The following DEK variants were observed in gnomAD, a reference collection of about 807,000 sequenced individuals.
The protein encoded by DEK is DEK proto-oncogene.
Under a neutral mutation model 46.8 loss-of-function variants are expected in DEK, and 28 were observed. The ratio of observed to expected loss-of-function variants is 0.60; its 90% CI spans 0.44 to 0.82. DEK has a LOEUF of 0.82. Ranked by LOEUF, DEK falls within the 40% of genes least tolerant of loss-of-function variation. The probability of loss-of-function intolerance (pLI) is 0.00; values close to 1 mark genes in which losing one functional copy is unlikely to be tolerated. For missense variants in DEK, 416 were observed against 430.6 expected (o/e 0.97, Z 0.30); for synonymous variants, 160 against 144.5 (o/e 1.11, Z -0.77).
intron 8 of DEK, chr6:18,237,057 A>G: frequency 4.6e-6 from 1 of 217,284 alleles, no homozygotes; most frequent in Non-Finnish European, 8.9e-6. Context: ...GCACCACTGC[A>G]ATAAATAATT....
intron 2 of DEK, among the ~76,000 whole-genome samples, chr6:18,263,239 C>T (rs1791954466): frequency 6.6e-6 from 1 of 152,158 alleles, no homozygotes; most frequent in Non-Finnish European, 1.5e-5. Flanking sequence ...CGAGACAGTG[C>T]TGGGCTCACA....
In DEK at chr6:18,238,773, T is replaced by C. The variant is rs185634023; in HGVS notation, c.763-1257A>G. ...AGAAAGCATTAATTCTTAGTTTAATTAATGTTCCCAAAGGAAAAGCTTCCT... is the reference window on the plus strand; with the variant it reads ...AGAAAGCATTAATTCTTAGTTTAATCAATGTTCCCAAAGGAAAAGCTTCCT... On this transcript the variant is annotated intron_variant, in intron 7 of 10. Coordinates refer to ENST00000652689, the MANE Select transcript of DEK (RefSeq NM_003472.4). Among the ~76,000 whole-genome samples the C allele has an allele frequency of 4.7e-4, 71 of 152,310 alleles. 1 individual carries two copies. The East Asian group carries it at 0.012, about 26-fold the overall frequency.
At chr6:18,246,722 G>A (rs1302236312) in intron 7 of DEK, among the ~76,000 whole-genome samples, 1 of 151,944 alleles carries the variant, frequency 6.6e-6, no homozygotes, top group African/African-American at 2.4e-5. Context: ...AAACTTACTC[G>A]GCTTGCATAA....
At chr6:18,250,493 A>C (rs1444957876) in intron 6 of DEK, among the ~76,000 whole-genome samples, 1 of 151,624 alleles carries the variant, frequency 6.6e-6, no homozygotes, top group East Asian at 1.9e-4. Context: ...AGCAAAAAAC[A>C]AAAAACTGTC....
intron 7 of DEK, among the ~76,000 whole-genome samples, chr6:18,240,386 T>C (rs1221748409): frequency 1.3e-5 from 2 of 152,176 alleles, no homozygotes; most frequent in African/African-American, 4.8e-5. Context: ...GACATAATAG[T>C]TCAAAGAGTA....
intron 7 of DEK, among the ~76,000 whole-genome samples, chr6:18,249,418 C>T (rs1283856833): frequency 6.6e-6 from 1 of 152,178 alleles, no homozygotes; most frequent in East Asian, 1.9e-4. Context: ...CAGCTCAAGG[C>T]CCACTTCAAA....
In DEK at chr6:18,263,856, C is replaced by T. The variant is rs377010557; in HGVS notation, c.132G>A (p.Glu44=). 8.7e-6 allele frequency: 14 copies of T among 1,612,578 alleles called. No homozygotes were observed. The highest frequency in any genetic ancestry group is 1.1e-5 in the South Asian group (1 of 90,866). The change falls in exon 2 of 11, where the codon GAG becomes GAA. Residue 44 remains glutamate (E), a synonymous_variant. Transcript: ENST00000652689. ...GACTCCCCCCACCTTTTTCCTCCTCCTCCTCCTCCTCGTCGTCCTCGTCCT... is the reference window on the plus strand; with the variant it reads ...GACTCCCCCCACCTTTTTCCTCCTCTTCCTCCTCCTCGTCGTCCTCGTCCT... ...EEEDEDDEEE[E]EEEKEKSLIV... is the part of the protein sequence containing the mutation.
intron 7 of DEK, among the ~76,000 whole-genome samples, chr6:18,248,196 A>G (rs901814974): frequency 6.6e-6 from 1 of 152,212 alleles, no homozygotes; most frequent in African/African-American, 2.4e-5. Context: ...ACTGAGGTAT[A>G]GTTTAAATAA....
intron 1 of DEK, 154 bp from the exon 2 acceptor site, chr6:18,264,150 G>A (rs1379473827): frequency 5.0e-6 from 3 of 594,390 alleles, no homozygotes; most frequent in Non-Finnish European, 7.8e-6. Context: ...GTCCCCAGGG[G>A]CGGCTTCCCT....
rs1790936103 is a variant in DEK, at chr6:18,242,564, G to C, written c.763-5048C>G. On this transcript the variant is annotated intron_variant, in intron 7 of 10. Coordinates refer to ENST00000652689, the MANE Select transcript of DEK (RefSeq NM_003472.4). ...TGTCATCCTGCTCACTCCTGCCCGG[G>C]ATGTGAATCATCCCTTTGTCCAGCA... Among the ~76,000 whole-genome samples, 8 of 152,176 alleles carry C rather than the reference G, an allele frequency of 5.3e-5. No individual in the cohort carries two copies. The South Asian group carries it at 1.7e-3, about 32-fold the overall frequency.
At chr6:18,232,245 C>A (rs1309112335) in intron 9 of DEK, among the ~76,000 whole-genome samples, 3 of 152,100 alleles carry the variant, frequency 2.0e-5, no homozygotes, top group Non-Finnish European at 4.4e-5. Flanking sequence ...TATGACAAAC[C>A]CACAGTCATC....
chr6:18,230,954 C>T (rs191315335), intron 9 of DEK, among the ~76,000 whole-genome samples: 463 of 152,268 alleles, frequency 3.0e-3, no homozygotes, highest in Non-Finnish European at 5.4e-3. Context: ...GCACTTATTC[C>T]AAAATTGACC....
chr6:18,255,748 G>A lies in DEK; in HGVS notation c.556C>T (p.Pro186Ser). 1 of 1,606,634 alleles carries A rather than the reference G, an allele frequency of 6.2e-7. No homozygotes were observed. The highest frequency in any genetic ancestry group is 8.5e-7 in the Non-Finnish European group (1 of 1,178,106). The change falls in exon 6 of 11, where the codon CCA becomes TCA. Residue 186 changes from proline to serine, a missense_variant. Pro to Ser is a moderately conservative substitution (Grantham distance 74). Transcript: ENST00000652689. The stretch of plus-strand genomic sequence containing the variant: ...ATCCTCACTTTGCCAGAAGGCTTTG[G>A]ATGCATTAAGAAATTCAAGATCCTC... Reference protein sequence around the residue: ...VKRILNFLMHPKPSGKPLPKS... With the variant: ...VKRILNFLMHSKPSGKPLPKS...
At chr6:18,228,356 G>C (rs1790228655) in intron 9 of DEK, among the ~76,000 whole-genome samples, 1 of 152,074 alleles carries the variant, frequency 6.6e-6, no homozygotes. Flanking sequence ...CTAAAATATA[G>C]TTCATCATTT....
chr6:18,225,615 C>A lies in DEK; in HGVS notation c.*104G>T. 1 of 1,352,006 alleles carries A rather than the reference C, an allele frequency of 7.4e-7. No individual in the cohort carries two copies. Among genetic ancestry groups the A allele is most frequent in the Non-Finnish European group, 1.0e-6 (1 of 985,814 alleles). 83.8% of individuals were successfully genotyped at this position (1,352,006 alleles called of 1,614,324 possible). ...TCAGCAGTAAGTTCTACTAACGTTG[C>A]TTAACAAGGATTTAGAAAAGGAAAT... On this transcript the variant is annotated 3_prime_UTR_variant, in exon 11 of 11. Transcript: ENST00000652689.
chr6:18,252,666 T>C lies in DEK; in HGVS notation c.574-2827A>G, dbSNP rs1053536844. On this transcript the variant is annotated intron_variant, in intron 6 of 10. Transcript: ENST00000652689. ...GATTCTCACAGTGTGGTTCAAGGAC[T>C]TTGGGGTTTCCTGAGACCTTTTTCG... Among the ~76,000 whole-genome samples the C allele has an allele frequency of 4.6e-5, 7 of 152,154 alleles. 1 individual carries two copies. Among genetic ancestry groups the C allele is most frequent in the Non-Finnish European group, 7.3e-5 (5 of 68,030 alleles).
At chr6:18,229,714 A>G (rs1337310578) in intron 9 of DEK, among the ~76,000 whole-genome samples, 5 of 152,198 alleles carry the variant, frequency 3.3e-5, no homozygotes. Flanking sequence ...GCCTCCAAGA[A>G]ACACGGGACT....
intron 2 of DEK, among the ~76,000 whole-genome samples, chr6:18,260,542 TAA>T (rs1176127601): frequency 6.6e-6 from 1 of 152,190 alleles, no homozygotes; most frequent in Non-Finnish European, 1.5e-5. Flanking sequence ...GACAGAAACC[TAA>T]GAGTCATCTT....
chr6:18,256,698 A>G (rs1791612573), intron 4 of DEK, among the ~76,000 whole-genome samples: 1 of 152,258 alleles, frequency 6.6e-6, no homozygotes, highest in African/African-American at 2.4e-5. Context: ...GTCTCTGAAA[A>G]GAACAATTTG....
Sources: gnomAD v4.1 joint callset for allele counts (sites outside exome capture counted in the v4.1 genomes callset) on GRCh38, gnomAD v4.1.1 for gene constraint, MANE v1.5 for transcripts, NCBI Gene and HGNC (gene_info 2026-07-23, HGNC 2026-07-21) for gene names.